Variants in PCDHGB1 observed in about 807,000 individuals in gnomAD.
PCDHGB1 encodes protocadherin gamma subfamily B, 1.
PCDHGB1 carries 34 observed loss-of-function variants against 56.6 expected under a neutral mutation model. The observed-to-expected ratio is 0.60, with a 90% CI of 0.46 to 0.80. The LOEUF is 0.80. Ranked by LOEUF, PCDHGB1 falls within the 30% of genes least tolerant of loss-of-function variation. PCDHGB1 has a pLI of 0.00. For missense variants in PCDHGB1, 1,278 were observed against 1,204.6 expected (o/e 1.06, Z -0.90); for synonymous variants, 561 against 505.9 (o/e 1.11, Z -1.46).
rs150249178 is a variant in PCDHGB1 at position 141,432,742 on chromosome 5, C to A, written c.2410-62065C>A. 154 of 1,614,076 alleles carry A rather than the reference C, an allele frequency of 9.5e-5. No individual in the cohort carries two copies. In the Middle Eastern group the frequency reaches 1.3e-3, roughly 14 times the overall value. On this transcript the variant is annotated intron_variant, in intron 1 of 3. Transcript: ENST00000523390. This position sits in a 1 kb window ranked among gnomAD's most constrained non-coding sequence, Gnocchi z 6.0. ...CTCTCTCCGCCACTGTCACGCTCAC[C>A]GTGGCCGTGGCCGACAGCATCCCCC... is the stretch of plus-strand genomic sequence containing the variant.
chr5:141,388,511 C>G, intron 1 of PCDHGB1: 1 of 1,613,868 alleles, frequency 6.2e-7, no homozygotes, highest in Non-Finnish European at 8.5e-7. Context: ...AATCCTACCA[C>G]TTGACTTTGA....
In PCDHGB1 at chr5:141,431,317, C is replaced by G; in HGVS notation, c.2410-63490C>G. 2 of 1,614,082 alleles carry G rather than the reference C, an allele frequency of 1.2e-6. No homozygotes were observed. The highest frequency in any genetic ancestry group is 1.7e-6 in the Non-Finnish European group (2 of 1,180,038). On this transcript the variant is annotated intron_variant, in intron 1 of 3. Transcript: ENST00000523390. The surrounding 1 kb of genome is among the most constrained non-coding windows in gnomAD (Gnocchi z 4.8). ...TCTCCCTCATCGTGCAAAATGGAGC[C>G]GACGGTAGTAAGTACCCCGAATTGG...
At chr5:141,466,034 A>T (rs189202430) in intron 1 of PCDHGB1, among the ~76,000 whole-genome samples, 1,557 of 152,178 alleles carry the variant, frequency 0.01, 35 homozygotes, top group African/African-American at 0.035. Flanking sequence ...AGGCAGGAGA[A>T]CGGCATGAAC....
At chr5:141,445,490 C>A (rs1181158971) in intron 1 of PCDHGB1, among the ~76,000 whole-genome samples, 1 of 152,134 alleles carries the variant, frequency 6.6e-6, no homozygotes, top group African/African-American at 2.4e-5. Flanking sequence ...AGTTAATGGG[C>A]CCTATTCTAA....
At chr5:141,433,397 A>C (rs189987785) in intron 1 of PCDHGB1, among the ~76,000 whole-genome samples, 2 of 150,410 alleles carry the variant, frequency 1.3e-5, no homozygotes, top group African/African-American at 4.9e-5. Context: ...CTATCTATCT[A>C]TCTATCTATT....
intron 1 of PCDHGB1, chr5:141,417,508 TATTTTGGCTGTCAACTCGTAG>T: frequency 4.2e-6 from 1 of 237,898 alleles, no homozygotes; most frequent in East Asian, 9.1e-5. Flanking sequence ...AAGATTAAAA[TATTTTGGCTGTCAACTCGTAG>T]TTTAAAAAAA....
chr5:141,363,393 A>G (rs906655840), intron 1 of PCDHGB1, among the ~76,000 whole-genome samples: 2 of 152,232 alleles, frequency 1.3e-5, no homozygotes, highest in Non-Finnish European at 2.9e-5. Flanking sequence ...TTCTGTTGTC[A>G]TATAAAGATG....
chr5:141,356,933 C>A, intron 1 of PCDHGB1: 1 of 1,614,184 alleles, frequency 6.2e-7, no homozygotes, highest in South Asian at 1.1e-5. Flanking sequence ...GTGGAGCTGG[C>A]ACCCCGCTCC....
chr5:141,420,683 G>A (rs1308504595), intron 1 of PCDHGB1, among the ~76,000 whole-genome samples: 1 of 152,190 alleles, frequency 6.6e-6, no homozygotes, highest in Non-Finnish European at 1.5e-5. Context: ...ATTTTATCGG[G>A]ACCGTATTAT....
intron 1 of PCDHGB1, chr5:141,374,792 G>A (rs1588751016): frequency 6.2e-7 from 1 of 1,613,898 alleles, no homozygotes; most frequent in Non-Finnish European, 8.5e-7. Context: ...AGATGTGAAT[G>A]ACAACACTCC....
chr5:141,419,304 G>T, intron 1 of PCDHGB1: 1 of 1,613,994 alleles, frequency 6.2e-7, no homozygotes, highest in Non-Finnish European at 8.5e-7. Context: ...CCAGACTTCG[G>T]GCTCAACGGC....
chr5:141,462,078 C>T (rs2154567608), intron 1 of PCDHGB1, among the ~76,000 whole-genome samples: 1 of 152,304 alleles, frequency 6.6e-6, no homozygotes, highest in East Asian at 1.9e-4. Flanking sequence ...CCGCCTTGGC[C>T]TCCCAAAATG....
chr5:141,488,128 G>T (rs1412334197), intron 1 of PCDHGB1, among the ~76,000 whole-genome samples: 1 of 152,226 alleles, frequency 6.6e-6, no homozygotes, highest in Non-Finnish European at 1.5e-5. Context: ...ACAGCAGAAA[G>T]AGGAGAGAAC....
At position 141,460,518 on chromosome 5, in the gene PCDHGB1, C is replaced by T. The variant is rs190277142; in HGVS notation, c.2410-34289C>T. ...AAATATGCTGAGAAGGCTATCTTTT[C>T]CCCACCAAATAATCTTAGCACCTTA... On this transcript the variant is annotated intron_variant, in intron 1 of 3. Coordinates refer to ENST00000523390, the MANE Select transcript of PCDHGB1 (RefSeq NM_018922.3). Among the ~76,000 whole-genome samples, 53 of 152,196 alleles carry T rather than the reference C, an allele frequency of 3.5e-4. 1 individual carries two copies. Among genetic ancestry groups the T allele is most frequent in the African/African-American group, 1.2e-3 (50 of 41,522 alleles).
In PCDHGB1 at chr5:141,432,916, G is replaced by C; in HGVS notation, c.2410-61891G>C. ...TGCTGGCGCTCAGGCTGCGGCGCTG[G>C]CACAAGTCACGCCTGCTGCAGGCTT... On this transcript the variant is annotated intron_variant, in intron 1 of 3. Coordinates refer to ENST00000523390, the MANE Select transcript of PCDHGB1 (RefSeq NM_018922.3). The surrounding 1 kb of genome is among the most constrained non-coding windows in gnomAD (Gnocchi z 6.0). 1 of 1,614,196 alleles carries C rather than the reference G, an allele frequency of 6.2e-7. No homozygotes were observed. The highest frequency in any genetic ancestry group is 8.5e-7 in the Non-Finnish European group (1 of 1,180,040).
chr5:141,466,969 C>T (rs2099133068), intron 1 of PCDHGB1, among the ~76,000 whole-genome samples: 1 of 152,068 alleles, frequency 6.6e-6, no homozygotes, highest in African/African-American at 2.4e-5. Flanking sequence ...TATTTTCTCA[C>T]AGCTCATCAT....
At chr5:141,375,536 G>T in intron 1 of PCDHGB1, 1 of 1,613,972 alleles carries the variant, frequency 6.2e-7, no homozygotes, top group Non-Finnish European at 8.5e-7. Flanking sequence ...GGACCAGAAC[G>T]CCCAAGTCTC....
At chr5:141,372,218 T>A (rs1370078185) in intron 1 of PCDHGB1, 10 of 1,613,426 alleles carry the variant, frequency 6.2e-6, no homozygotes, top group East Asian at 4.5e-5. Context: ...CCTACCACAT[T>A]GTGCAGGCCA....
chr5:141,447,064 C>T (rs1453083716), intron 1 of PCDHGB1, among the ~76,000 whole-genome samples: 1 of 152,064 alleles, frequency 6.6e-6, no homozygotes, highest in Non-Finnish European at 1.5e-5. Context: ...ATGTGTCAGG[C>T]TGTTTTAATT....
Sources: gnomAD v4.1 joint callset for allele counts (sites outside exome capture counted in the v4.1 genomes callset) on GRCh38, gnomAD v4.1.1 for gene constraint, Gnocchi (gnomAD v3.1) non-coding constraint, MANE v1.5 for transcripts, NCBI Gene and HGNC (gene_info 2026-07-23, HGNC 2026-07-21) for gene names.